Variants in CAB39L observed in about 807,000 individuals in gnomAD.
The protein encoded by CAB39L is calcium-binding protein 39-like.
Under a neutral mutation model 39.1 loss-of-function variants are expected in CAB39L, and 23 were observed. The ratio of observed to expected loss-of-function variants is 0.59; its 90% confidence interval spans 0.42 to 0.83. The LOEUF (loss-of-function observed/expected upper bound fraction) is 0.83, where lower values mean the gene tolerates loss of function less well. Among genes scored for constraint, CAB39L ranks in the 40% least tolerant of loss-of-function variants. The probability of loss-of-function intolerance (pLI) is 0.00; values close to 1 mark genes in which losing one functional copy is unlikely to be tolerated. For synonymous variants in CAB39L, 126 were observed against 137.2 expected (o/e 0.92, Z 0.57); for missense variants, 366 against 391.9 (o/e 0.93, Z 0.56).
chr13:49,440,441 C>G (rs777797674), intron 1 of CAB39L, among the ~76,000 whole-genome samples: 1 of 152,040 alleles, frequency 6.6e-6, no homozygotes, highest in Non-Finnish European at 1.5e-5. Context: ...GCTCTCTATT[C>G]TGCTCCATTG....
At position 49,432,773 on chromosome 13, in the gene CAB39L, C is replaced by G. The variant is rs181345173; in HGVS notation, c.-32+545G>C. Among the ~76,000 whole-genome samples, 842 of 152,230 alleles carry G rather than the reference C, an allele frequency of 5.5e-3. 10 individuals are homozygous for G. Among genetic ancestry groups the G allele is most frequent in the Middle Eastern group, 0.034 (10 of 294 alleles). On this transcript the variant is annotated intron_variant, in intron 3 of 10. Transcript: ENST00000409308. ...GTAAAAATTGTGTAAATTAAGGCCCCAAATTCAAGTGAATGTGAGCTGATA... is the reference window on the plus strand; with the variant it reads ...GTAAAAATTGTGTAAATTAAGGCCCGAAATTCAAGTGAATGTGAGCTGATA...
At chr13:49,434,032 C>G (rs747530941) in intron 2 of CAB39L, 54 bp downstream of exon 2, 1 of 377,864 alleles carries the variant, frequency 2.6e-6, no homozygotes, top group Non-Finnish European at 5.2e-6. Flanking sequence ...ATCTCCATCA[C>G]AAGAGTGTGT....
chr13:49,339,541 A>G, intron 9 of CAB39L, 136 bp downstream of exon 9: 1 of 996,440 alleles, frequency 1.0e-6, no homozygotes, highest in Non-Finnish European at 1.3e-6. Context: ...AACATAAAAT[A>G]TAGTAAATAC....
intron 3 of CAB39L, among the ~76,000 whole-genome samples, chr13:49,415,212 TAAAAATA>T (rs1441129128): frequency 2.1e-5 from 3 of 146,306 alleles, no homozygotes; most frequent in African/African-American, 7.6e-5. Context: ...ATTTTAAAAA[TAAAAATA>T]AAAAATAAAA....
At chr13:49,413,303 A>G (rs1264535223) in intron 3 of CAB39L, among the ~76,000 whole-genome samples, 2 of 152,178 alleles carry the variant, frequency 1.3e-5, no homozygotes, top group Non-Finnish European at 2.9e-5. Flanking sequence ...AGTGAAAGAA[A>G]TGGGACTTTT....
At chr13:49,442,611 G>A (rs1456919050) in intron 1 of CAB39L, among the ~76,000 whole-genome samples, 1 of 151,966 alleles carries the variant, frequency 6.6e-6, no homozygotes, top group Non-Finnish European at 1.5e-5. Context: ...GGCCAACATG[G>A]TGAAACCCCA....
Position 49,359,347 on chromosome 13 carries a change from G to C in CAB39L, c.395+367C>G, listed in dbSNP as rs143476890. On this transcript the variant is annotated intron_variant, in intron 6 of 10. Transcript: ENST00000409308. ...TTTCCCAGAACCAGAATATATATGT[G>C]TGTGCTTATGTGCGTGGTGAGGGCA... is the stretch of plus-strand genomic sequence containing the variant. Among the ~76,000 whole-genome samples, 533 of 152,152 alleles carry C rather than the reference G, an allele frequency of 3.5e-3. 3 individuals carry two copies. Among genetic ancestry groups the C allele is most frequent in the South Asian group, 0.019 (91 of 4,808 alleles).
At chr13:49,387,680 G>A (rs1207861701) in intron 3 of CAB39L, among the ~76,000 whole-genome samples, 4 of 152,174 alleles carry the variant, frequency 2.6e-5, no homozygotes, top group Non-Finnish European at 4.4e-5. Flanking sequence ...AAGAAAGGTT[G>A]CTTCTGAAAT....
intron 3 of CAB39L, among the ~76,000 whole-genome samples, chr13:49,423,449 G>A (rs1957201848): frequency 6.6e-6 from 1 of 152,196 alleles, no homozygotes; most frequent in Admixed American, 6.5e-5. Context: ...CAGGGACAGT[G>A]GCTCACATCT....
rs1042373248 is a variant in CAB39L at position 49,378,170 on chromosome 13, TGAG to T, written c.112-1042_112-1040del. Reference sequence around the variant, plus strand: ...CCCTCCGCCCGGCAGCCGCCCCGTCTGAGAAGTGAGGAGCCTCTCCGCCCGGCA... The same window carrying T: ...CCCTCCGCCCGGCAGCCGCCCCGTCTAAGTGAGGAGCCTCTCCGCCCGGCA... On this transcript the variant is annotated intron_variant, in intron 4 of 10. Coordinates refer to ENST00000409308, the MANE Select transcript of CAB39L (RefSeq NM_001079670.3). Among the ~76,000 whole-genome samples, 4 of 79,262 alleles carry T rather than the reference TGAG, an allele frequency of 5.0e-5. 1 individual carries two copies. Among genetic ancestry groups the T allele is most frequent in the Non-Finnish European group, 1.0e-4 (4 of 39,922 alleles). 52.0% of individuals were successfully genotyped at this position (79,262 alleles called of 152,430 possible). A position where few individuals can be genotyped will look rare whatever the true frequency, so the allele number is the denominator to read the frequency against.
chr13:49,426,191 G>A (rs772484894), intron 3 of CAB39L, among the ~76,000 whole-genome samples: 3 of 152,168 alleles, frequency 2.0e-5, no homozygotes, highest in Admixed American at 6.5e-5. Context: ...TTTCTTGGAC[G>A]CGCTATTGTT....
intron 3 of CAB39L, chr13:49,413,960 T>C (rs1957039046): frequency 8.7e-6 from 1 of 114,370 alleles, no homozygotes; most frequent in African/African-American, 3.3e-5. Flanking sequence ...TAACTCATCC[T>C]AAACTGCAAC....
At chr13:49,380,041 T>C (rs1460856523) in intron 4 of CAB39L, among the ~76,000 whole-genome samples, 1 of 152,098 alleles carries the variant, frequency 6.6e-6, no homozygotes, top group African/African-American at 2.4e-5. Context: ...AGGGTTTCAC[T>C]GCGTTAACCA....
At chr13:49,395,822 G>A (rs547691578) in intron 3 of CAB39L, among the ~76,000 whole-genome samples, 26 of 152,194 alleles carry the variant, frequency 1.7e-4, no homozygotes, top group African/African-American at 3.9e-4. Context: ...TAAATGGAAA[G>A]GAGAGTTGGC....
At chr13:49,312,786 T>C (rs1463228968) in intron 10 of CAB39L, among the ~76,000 whole-genome samples, 1 of 152,228 alleles carries the variant, frequency 6.6e-6, no homozygotes, top group African/African-American at 2.4e-5. Context: ...TTCTTAACTA[T>C]AAAATCTTTC....
intron 5 of CAB39L, among the ~76,000 whole-genome samples, chr13:49,371,887 G>C (rs1451274358): frequency 6.6e-6 from 1 of 152,066 alleles, no homozygotes; most frequent in East Asian, 1.9e-4. Flanking sequence ...CCACTGCACT[G>C]GGCCTGTTTT....
At position 49,367,134 on chromosome 13, in the gene CAB39L, T is replaced by C. The variant is rs551711503; in HGVS notation, c.277-7302A>G. Among the ~76,000 whole-genome samples, 356 of 152,188 alleles carry C rather than the reference T, an allele frequency of 2.3e-3. 2 individuals carry two copies. Among genetic ancestry groups the C allele is most frequent in the Middle Eastern group, 6.8e-3 (2 of 294 alleles). On this transcript the variant is annotated intron_variant, in intron 5 of 10. Coordinates refer to ENST00000409308, the MANE Select transcript of CAB39L (RefSeq NM_001079670.3). ...TTGAGCCAGGAGTTTGAGAGTAGCC[T>C]GGGCAACATAGCAAGACCCCATCTC...
At chr13:49,420,736 C>A (rs768988933) in intron 3 of CAB39L, among the ~76,000 whole-genome samples, 10 of 152,144 alleles carry the variant, frequency 6.6e-5, no homozygotes, top group Non-Finnish European at 1.5e-4. Context: ...TTCTAGAACA[C>A]CCATTATTCT....
chr13:49,422,178 C>T (rs1431384293), intron 3 of CAB39L, among the ~76,000 whole-genome samples: 1 of 152,140 alleles, frequency 6.6e-6, no homozygotes, highest in Non-Finnish European at 1.5e-5. Flanking sequence ...TGCACTTATA[C>T]AGTAAAAGCC....
Sources: allele counts gnomAD v4.1 joint callset (sites outside exome capture counted in the v4.1 genomes callset), GRCh38; gene constraint gnomAD v4.1.1; transcripts MANE v1.5; gene names NCBI Gene and HGNC (gene_info 2026-07-23, HGNC 2026-07-21).